The following KCNH1 variants were observed in gnomAD, a reference collection of about 807,000 sequenced individuals.
KCNH1 encodes the protein potassium voltage-gated channel subfamily H member 1, also known as voltage-gated delayed rectifier potassium channel KCNH1.
Under a neutral mutation model 69.2 loss-of-function variants are expected in KCNH1, and 27 were observed. The ratio of observed to expected loss-of-function variants is 0.39; its 90% CI spans 0.29 to 0.54. The LOEUF is 0.54. Ranked by LOEUF, KCNH1 falls within the 20% of genes least tolerant of loss-of-function variation. The pLI, the probability that KCNH1 is intolerant of heterozygous loss-of-function variation, is 0.68. For synonymous variants in KCNH1, 456 were observed against 487.7 expected (o/e 0.93, Z 0.86); for missense variants, 798 against 1,261.6 (o/e 0.63, Z 5.57).
At chr1:210,928,456 C>G (rs1041844497) in intron 6 of KCNH1, among the ~76,000 whole-genome samples, 2 of 152,132 alleles carry the variant, frequency 1.3e-5, no homozygotes, top group African/African-American at 2.4e-5. Flanking sequence ...ATAACCTACT[C>G]CAGAATGATC....
At chr1:210,999,183 T>C (rs1362562713) in intron 6 of KCNH1, among the ~76,000 whole-genome samples, 2 of 151,656 alleles carry the variant, frequency 1.3e-5, no homozygotes, top group African/African-American at 4.9e-5. Flanking sequence ...CTGAAGGAAA[T>C]AGAGACACAA....
Position 210,828,201 on chromosome 1 carries a change from A to C in KCNH1, c.1463-24035T>G, listed in dbSNP as rs556374856. On this transcript the variant is annotated intron_variant, in intron 7 of 10. Transcript: ENST00000271751. ...ACACCTGTCTCAATGGGTTATTGGA[A>C]GATTAATTGAGGAAATGTTCATGAC... 2.0e-5 allele frequency among the ~76,000 whole-genome samples: 3 copies of C among 152,264 alleles called. No individual in the cohort carries two copies. In the East Asian group the frequency reaches 5.8e-4, roughly 29 times the overall value.
At chr1:210,955,977 T>C (rs1419698236) in intron 6 of KCNH1, among the ~76,000 whole-genome samples, 3 of 152,184 alleles carry the variant, frequency 2.0e-5, no homozygotes, top group African/African-American at 7.2e-5. Context: ...CCCTGTCTTG[T>C]GCCAGTTTTC....
chr1:210,852,898 T>C (rs754129007), intron 7 of KCNH1, among the ~76,000 whole-genome samples: 3 of 152,222 alleles, frequency 2.0e-5, no homozygotes, highest in Admixed American at 6.5e-5. Context: ...CATCTGTTTA[T>C]GCTCAAAAGA....
intron 6 of KCNH1, among the ~76,000 whole-genome samples, chr1:210,935,606 T>C (rs1289845921): frequency 1.3e-5 from 2 of 152,234 alleles, no homozygotes; most frequent in African/African-American, 4.8e-5. Context: ...AATCACACTG[T>C]ACCCCATAAA....
intron 9 of KCNH1, among the ~76,000 whole-genome samples, chr1:210,784,277 G>A (rs1213402099): frequency 1.3e-5 from 2 of 152,170 alleles, no homozygotes; most frequent in Non-Finnish European, 2.9e-5. Context: ...TCTCTTATCT[G>A]TAGTAAAGGT....
intron 10 of KCNH1, among the ~76,000 whole-genome samples, chr1:210,699,617 C>CAGG (rs1285788757): frequency 6.6e-6 from 1 of 152,204 alleles, no homozygotes; most frequent in Non-Finnish European, 1.5e-5. Context: ...CCACCACTGG[C>CAGG]AGGACCTACC....
At chr1:210,739,255 T>C (rs1296984333) in intron 10 of KCNH1, among the ~76,000 whole-genome samples, 1 of 152,220 alleles carries the variant, frequency 6.6e-6, no homozygotes. Flanking sequence ...AGTAGGAGAC[T>C]GTATGAAAAG....
chr1:210,990,365 T>G (rs1013940689), intron 6 of KCNH1, among the ~76,000 whole-genome samples: 2 of 152,180 alleles, frequency 1.3e-5, no homozygotes, highest in East Asian at 3.9e-4. Context: ...TATTGCAGCA[T>G]CCCGGAGGGG....
intron 7 of KCNH1, among the ~76,000 whole-genome samples, chr1:210,869,540 C>T (rs1390782141): frequency 7.1e-6 from 1 of 140,552 alleles, no homozygotes; most frequent in African/African-American, 2.6e-5. Flanking sequence ...TTTAGGCATG[C>T]CTGGTAATTT....
intron 10 of KCNH1, among the ~76,000 whole-genome samples, chr1:210,726,327 T>C (rs769820612): frequency 1.3e-5 from 2 of 152,144 alleles, no homozygotes; most frequent in African/African-American, 4.8e-5. Flanking sequence ...GGGAGCAAAT[T>C]GATTATTCAT....
intron 1 of KCNH1, among the ~76,000 whole-genome samples, chr1:211,122,193 A>G (rs1691699426): frequency 6.6e-6 from 1 of 152,156 alleles, no homozygotes; most frequent in African/African-American, 2.4e-5. Context: ...TCTCAAAATA[A>G]GACATTTATG....
chr1:210,974,997 G>C (rs1301783751), intron 6 of KCNH1, among the ~76,000 whole-genome samples: 1 of 152,078 alleles, frequency 6.6e-6, no homozygotes, highest in African/African-American at 2.4e-5. Context: ...GAGAAAAAAT[G>C]ATAAAAAGAT....
intron 7 of KCNH1, among the ~76,000 whole-genome samples, chr1:210,812,465 A>G (rs1333266205): frequency 6.6e-6 from 1 of 152,252 alleles, no homozygotes; most frequent in Admixed American, 6.5e-5. Flanking sequence ...TTCAATATCC[A>G]TTAAGATTAC....
At chr1:210,887,128 G>A (rs188552847) in intron 7 of KCNH1, among the ~76,000 whole-genome samples, 232 of 152,104 alleles carry the variant, frequency 1.5e-3, no homozygotes, top group Non-Finnish European at 2.7e-3. Context: ...AAAAAATAAC[G>A]TTAAGGGAAG....
intron 1 of KCNH1, among the ~76,000 whole-genome samples, chr1:211,115,907 G>A (rs1022021318): frequency 6.6e-6 from 1 of 151,874 alleles, no homozygotes; most frequent in East Asian, 1.9e-4. Context: ...GGCCAAGGTG[G>A]GAGAATTGCT....
At chr1:211,111,178 T>C (rs1222012846) in intron 1 of KCNH1, among the ~76,000 whole-genome samples, 2 of 152,228 alleles carry the variant, frequency 1.3e-5, no homozygotes, top group East Asian at 3.8e-4. Flanking sequence ...TCACTGCAAG[T>C]GCTCACAAAA....
intron 7 of KCNH1, among the ~76,000 whole-genome samples, chr1:210,899,737 T>A (rs558721649): frequency 6.6e-6 from 1 of 152,232 alleles, no homozygotes; most frequent in Non-Finnish European, 1.5e-5. Context: ...TTCTTAACAC[T>A]TTAAGGCAAA....
chr1:210,696,120 C>T (rs1681633694), intron 10 of KCNH1, among the ~76,000 whole-genome samples: 1 of 152,206 alleles, frequency 6.6e-6, no homozygotes. Flanking sequence ...TCTCCCCATT[C>T]TCCGGGACAC....
Sources: gnomAD v4.1 joint callset for allele counts (sites outside exome capture counted in the v4.1 genomes callset) on GRCh38, gnomAD v4.1.1 for gene constraint, MANE v1.5 for transcripts, NCBI Gene and HGNC (gene_info 2026-07-23, HGNC 2026-07-21) for gene names.